JHY: variants seen among roughly 807,000 people sequenced by gnomAD.
JHY encodes the protein jhy protein homolog.
JHY carries 69 observed loss-of-function variants against 78.0 expected under a neutral mutation model. That is an observed-to-expected ratio of 0.88 (90% confidence interval 0.73 to 1.08). The LOEUF (loss-of-function observed/expected upper bound fraction) is 1.08, where lower values mean the gene tolerates loss of function less well. Ranked by LOEUF, JHY falls within the 50% of genes least tolerant of loss-of-function variation. The pLI is 0.00. For synonymous variants in JHY, 368 were observed against 342.6 expected (o/e 1.07, Z -0.82); for missense variants, 944 against 927.8 (o/e 1.02, Z -0.23).
At chr11:122,949,519 C>T (rs560554274) in intron 6 of JHY, among the ~76,000 whole-genome samples, 2 of 152,164 alleles carry the variant, frequency 1.3e-5, no homozygotes, top group Admixed American at 6.5e-5. Flanking sequence ...GAGATACTAA[C>T]GAGAAGAAAA....
At chr11:122,937,576 A>G (rs1225576530) in intron 5 of JHY, among the ~76,000 whole-genome samples, 3 of 151,944 alleles carry the variant, frequency 2.0e-5, no homozygotes, top group Non-Finnish European at 4.4e-5. Context: ...TTTCTTTCAG[A>G]TTGAAAATGT....
intron 5 of JHY, among the ~76,000 whole-genome samples, chr11:122,943,257 T>C (rs1813789489): frequency 1.3e-5 from 2 of 152,244 alleles, no homozygotes; most frequent in Non-Finnish European, 2.9e-5. Flanking sequence ...TTTCAAAACA[T>C]ATAAAGTTAT....
chr11:122,915,415 G>A (rs893849390), intron 3 of JHY, among the ~76,000 whole-genome samples: 1 of 152,192 alleles, frequency 6.6e-6, no homozygotes, highest in African/African-American at 2.4e-5. Flanking sequence ...CGGAAGAAAA[G>A]GTGCCTGACT....
intron 3 of JHY, among the ~76,000 whole-genome samples, chr11:122,922,758 C>T (rs1019146089): frequency 1.5e-4 from 20 of 136,480 alleles, no homozygotes; most frequent in African/African-American, 3.6e-4. Flanking sequence ...TGCAGTGAGC[C>T]GAGATTGTGC....
rs1863251810 is a variant in JHY, at chr11:122,917,290, C to CT, written c.865-7605dup. Among the ~76,000 whole-genome samples, 2 of 152,204 alleles carry CT rather than the reference C, an allele frequency of 1.3e-5. No homozygotes were observed. ...ATATCTTCAAGACTAGAAAATGTCA[C>CT]TTCATCCAGTGAGTTAGTTAAGGAG... is the stretch of plus-strand genomic sequence containing the variant. On this transcript the variant is annotated intron_variant, in intron 3 of 8. Transcript: ENST00000227349. The surrounding 1 kb of genome is among the most constrained non-coding windows in gnomAD (Gnocchi z 4.1).
chr11:122,946,412 T>TG (rs1863959616), intron 5 of JHY, 86 bp from the exon 6 acceptor site: 13 of 1,376,038 alleles, frequency 9.4e-6, no homozygotes, highest in Non-Finnish European at 1.3e-5. Context: ...ATACATCAAA[T>TG]TAATGGTTCA....
chr11:122,894,869 C>T (rs1195601720), intron 2 of JHY, among the ~76,000 whole-genome samples: 1 of 152,122 alleles, frequency 6.6e-6, no homozygotes, highest in Non-Finnish European at 1.5e-5. Context: ...AGTCTTTGAC[C>T]TTCATTTCAT....
chr11:122,950,218 C>T (rs759673794), intron 6 of JHY, among the ~76,000 whole-genome samples: 6 of 152,108 alleles, frequency 3.9e-5, no homozygotes, highest in Non-Finnish European at 8.8e-5. Flanking sequence ...GTACTATTAG[C>T]ACTGTTTTCA....
chr11:122,893,799 T>C (rs530490531), intron 2 of JHY, among the ~76,000 whole-genome samples: 3 of 152,210 alleles, frequency 2.0e-5, no homozygotes, highest in African/African-American at 7.2e-5. Flanking sequence ...ATCCAACTAA[T>C]AAAGTAATGG....
At chr11:122,948,951 G>T (rs1450903549) in intron 6 of JHY, among the ~76,000 whole-genome samples, 1 of 152,116 alleles carries the variant, frequency 6.6e-6, no homozygotes, top group Non-Finnish European at 1.5e-5. Flanking sequence ...GGATGTGGTG[G>T]CAGGTGCCTG....
Position 122,919,352 on chromosome 11 carries a change from CAAAA to C in JHY, c.865-5524_865-5521del, listed in dbSNP as rs72233254. On this transcript the variant is annotated intron_variant, in intron 3 of 8. Transcript: ENST00000227349. The stretch of plus-strand genomic sequence containing the variant: ...TGGGCAACAGAGAGAGACTCTGTCT[CAAAA>C]AAAAAAAAAAAAAAAAAAAAGAAGT... 1.6e-3 allele frequency among the ~76,000 whole-genome samples: 109 copies of C among 70,072 alleles called. 1 individual carries two copies. In the South Asian group the frequency reaches 0.059, roughly 38 times the overall value. 46.0% of individuals were successfully genotyped at this position (70,072 alleles called of 152,430 possible).
intron 4 of JHY, 64 bp downstream of exon 4, chr11:122,925,074 G>A (rs11218892): frequency 0.27 from 331,161 of 1,243,124 alleles, 46,329 homozygotes; most frequent in Non-Finnish European, 0.3. Context: ...AGTAATGATC[G>A]TGACTGAGTT....
At chr11:122,948,037 C>T (rs937288754) in intron 6 of JHY, among the ~76,000 whole-genome samples, 1 of 152,158 alleles carries the variant, frequency 6.6e-6, no homozygotes, top group Non-Finnish European at 1.5e-5. Flanking sequence ...CATCAGCAGA[C>T]AACACTCCCA....
chr11:122,893,052 G>T (rs1356604867), intron 2 of JHY, among the ~76,000 whole-genome samples: 2 of 152,080 alleles, frequency 1.3e-5, no homozygotes, highest in Non-Finnish European at 2.9e-5. Flanking sequence ...GTTTTCTGTT[G>T]CCTTTTATTA....
intron 4 of JHY, among the ~76,000 whole-genome samples, chr11:122,925,672 A>G (rs1365704090): frequency 6.6e-6 from 1 of 151,956 alleles, no homozygotes; most frequent in Non-Finnish European, 1.5e-5. Flanking sequence ...ACCTGAGGTC[A>G]GGAGTTTGAG....
intron 4 of JHY, among the ~76,000 whole-genome samples, chr11:122,926,524 A>G (rs1157181195): frequency 2.6e-5 from 4 of 152,198 alleles, no homozygotes; most frequent in Admixed American, 2.6e-4. Context: ...ATAAAAAGTC[A>G]TTCACCCAGA....
At chr11:122,953,177 G>A (rs1864126642) in intron 6 of JHY, among the ~76,000 whole-genome samples, 1 of 152,060 alleles carries the variant, frequency 6.6e-6, no homozygotes, top group Non-Finnish European at 1.5e-5. Context: ...CATCTTAAAT[G>A]TTCAACATTT....
intron 6 of JHY, among the ~76,000 whole-genome samples, chr11:122,951,476 G>A (rs1864081866): frequency 6.6e-6 from 1 of 152,196 alleles, no homozygotes; most frequent in South Asian, 2.1e-4. Context: ...AGCAACTGCA[G>A]AGCAAATTTC....
chr11:122,921,092 T>G (rs1169602596), intron 3 of JHY, among the ~76,000 whole-genome samples: 1 of 151,680 alleles, frequency 6.6e-6, no homozygotes, highest in African/African-American at 2.4e-5. Context: ...AAAGAGATAA[T>G]GTAGAAGTAT....
Sources: gnomAD v4.1 joint callset for allele counts (sites outside exome capture counted in the v4.1 genomes callset) on GRCh38, gnomAD v4.1.1 for gene constraint, Gnocchi (gnomAD v3.1) non-coding constraint, MANE v1.5 for transcripts, NCBI Gene and HGNC (gene_info 2026-07-23, HGNC 2026-07-21) for gene names.